The following AP3B2 variants were observed in gnomAD, a reference collection of about 807,000 sequenced individuals.
AP3B2 encodes adaptor related protein complex 3 subunit beta 2.
Under a neutral mutation model 126.9 loss-of-function variants are expected in AP3B2, and 50 were observed. That is an observed-to-expected ratio of 0.39 (90% CI 0.31 to 0.50). The LOEUF (loss-of-function observed/expected upper bound fraction) is 0.50. AP3B2 is among the 20% of genes least tolerant of loss of function. AP3B2 has a pLI of 0.79. For missense variants in AP3B2, 1,177 were observed against 1,426.4 expected (o/e 0.83, Z 2.82); for synonymous variants, 541 against 565.0 (o/e 0.96, Z 0.60).
chr15:82,685,207 T>G (rs2048406062), intron 4 of AP3B2: 1 of 152,318 alleles, frequency 6.6e-6, no homozygotes, highest in East Asian at 1.9e-4. Context: ...TTAAAAAGTT[T>G]GGAATATTGT....
At position 82,689,211 on chromosome 15, in the gene AP3B2, C is replaced by T. The variant is rs2048481877; in HGVS notation, c.211G>A (p.Ala71Thr). ...IVAMIARGKN[A>T]SDLFPAVVKN... ...ACCACCGCGGGAAACAGGTCTGAAGCATTCTTTCCTCGGGCAATCATCTGG... is the reference window on the plus strand; with the variant it reads ...ACCACCGCGGGAAACAGGTCTGAAGTATTCTTTCCTCGGGCAATCATCTGG... Residue 71 changes from alanine to threonine, a missense_variant, in exon 3 of 27, where the codon GCT becomes ACT. Physicochemically the swap from Ala to Thr is moderately conservative, Grantham distance 58. Transcript: ENST00000535359. 3 of 1,613,950 alleles carry T rather than the reference C, an allele frequency of 1.9e-6. No homozygotes were observed. The East Asian group carries it at 6.7e-5, about 36-fold the overall frequency.
chr15:82,692,954 G>A (rs570175399), intron 1 of AP3B2: 1 of 151,242 alleles, frequency 6.6e-6, no homozygotes, highest in East Asian at 1.9e-4. Context: ...TTAAGTGACA[G>A]CAAAATTCAT....
intron 4 of AP3B2, 161 bp downstream of exon 4, chr15:82,688,574 AG>A: frequency 1.4e-6 from 1 of 727,518 alleles, no homozygotes; most frequent in Non-Finnish European, 2.5e-6. Context: ...CCACTCTCTG[AG>A]GGTCTGGCTG....
chr15:82,697,390 C>G (rs2048645888), intron 1 of AP3B2, among the ~76,000 whole-genome samples: 1 of 151,822 alleles, frequency 6.6e-6, no homozygotes, highest in Admixed American at 6.6e-5. Flanking sequence ...AGACATGCAA[C>G]ATTTAGAAAT....
chr15:82,689,528 A>C (rs2048488347), intron 1 of AP3B2, 75 bp from the exon 2 acceptor site: 1 of 1,440,240 alleles, frequency 6.9e-7, no homozygotes. Context: ...GTCCAGGCAC[A>C]AAGAAGGGAC....
chr15:82,676,409 T>C, intron 14 of AP3B2, 52 bp downstream of exon 14: 1 of 1,586,528 alleles, frequency 6.3e-7, no homozygotes, highest in Non-Finnish European at 8.6e-7. Context: ...GAATACTGTC[T>C]AGGGAGTTTC....
chr15:82,708,641 T>G (rs985626268), intron 1 of AP3B2: 1 of 152,318 alleles, frequency 6.6e-6, no homozygotes, highest in Non-Finnish European at 1.5e-5. Context: ...AATATAAATC[T>G]GATTATGTCG....
At chr15:82,688,189 G>A in intron 4 of AP3B2, 3 of 511,086 alleles carry the variant, frequency 5.9e-6, no homozygotes, top group Non-Finnish European at 1.0e-5. Context: ...TGGAGAGAAT[G>A]GCCTTGAAAT....
At chr15:82,677,630 C>A (rs1194888616) in intron 12 of AP3B2, 41 bp downstream of exon 12, 3 of 1,492,666 alleles carry the variant, frequency 2.0e-6, no homozygotes, top group South Asian at 1.4e-5. Flanking sequence ...CAGGCAGACA[C>A]CCTCTGATCA....
intron 1 of AP3B2, among the ~76,000 whole-genome samples, chr15:82,695,565 C>T (rs1416537862): frequency 6.6e-5 from 10 of 152,082 alleles, no homozygotes; most frequent in African/African-American, 2.2e-4. Flanking sequence ...TGTGAAGGTG[C>T]CTGGAGGGTG....
intron 1 of AP3B2, among the ~76,000 whole-genome samples, chr15:82,691,465 C>T (rs547979241): frequency 6.6e-6 from 1 of 152,200 alleles, no homozygotes; most frequent in African/African-American, 2.4e-5. Context: ...CCCACAAAGA[C>T]GGAACTGATT....
Position 82,680,811 on chromosome 15 carries a change from G to A in AP3B2, c.771+26C>T, listed in dbSNP as rs758609268. The A allele has an allele frequency of 6.2e-7, 1 of 1,611,932 alleles. No homozygotes were observed. ...GCCTCCCCGGGACACACTTCGGCCC[G>A]CTCTGCCTGGGCTGGGCCCACTTAC... On this transcript the variant is annotated intron_variant, in intron 7 of 26. Coordinates refer to ENST00000535359, the MANE Select transcript of AP3B2 (RefSeq NM_001278512.2). This position sits in a 1 kb window ranked among gnomAD's most constrained non-coding sequence, Gnocchi z 6.1.
chr15:82,676,669 A>G (rs750856421), intron 13 of AP3B2, 32 bp from the exon 14 acceptor site: 2 of 1,608,368 alleles, frequency 1.2e-6, no homozygotes, highest in South Asian at 1.1e-5. Context: ...GAAGATGGGT[A>G]AATACGGGAA....
At chr15:82,701,463 G>A (rs1267978478) in intron 1 of AP3B2, among the ~76,000 whole-genome samples, 2 of 152,068 alleles carry the variant, frequency 1.3e-5, no homozygotes, top group East Asian at 3.8e-4. Flanking sequence ...TCCTTGAACT[G>A]AGTGAGGTTC....
Position 82,659,504 on chromosome 15 carries a change from C to G in AP3B2, c.*56G>C. ...AGAGAAAGATGAGAGAGACTGACAG[C>G]CTAGGTGTCATGGGGAGGTATAGAT... On this transcript the variant is annotated 3_prime_UTR_variant, in exon 27 of 27. Transcript: ENST00000535359. 25 of 1,594,038 alleles carry G rather than the reference C, an allele frequency of 1.6e-5. No homozygotes were observed. The highest frequency in any genetic ancestry group is 2.1e-5 in the Non-Finnish European group (25 of 1,166,446).
At chr15:82,663,074 A>T in intron 22 of AP3B2, 53 bp downstream of exon 22, 1 of 1,526,186 alleles carries the variant, frequency 6.6e-7, no homozygotes, top group Non-Finnish European at 8.9e-7. Flanking sequence ...CATAGGATGC[A>T]GCACAGGGAT....
At position 82,681,361 on chromosome 15, in the gene AP3B2, G is replaced by A. The variant is rs1344919703; in HGVS notation, c.521+59C>T. ...AGGCAAGACTTAGGAAAGGCCAGGG[G>A]TGGGTTGAGAACTTAGGAACCAGCC... On this transcript the variant is annotated intron_variant, in intron 5 of 26. Transcript: ENST00000535359. This position sits in a 1 kb window ranked among gnomAD's most constrained non-coding sequence, Gnocchi z 4.0. 3 of 1,598,088 alleles carry A rather than the reference G, an allele frequency of 1.9e-6. No homozygotes were observed. The highest frequency in any genetic ancestry group is 1.3e-5 in the African/African-American group (1 of 74,844).
At position 82,662,208 on chromosome 15, in the gene AP3B2, T is replaced by G; in HGVS notation, c.2878A>C (p.Asn960His). Reference protein sequence around the residue: ...GESATAVMGINFCDSTQAANF... With the variant: ...GESATAVMGIHFCDSTQAANF... ...GCTGCCTGGGTTGAGTCACAGAAAT[T>G]AATGCCCATTACAGCAGTGGCAGAT... The change falls in exon 24 of 27, where the codon AAT becomes CAT. Residue 960 changes from asparagine to histidine, a missense_variant. Physicochemically the swap from Asn to His is moderately conservative, Grantham distance 68. Around this residue, in one of 5 missense-constraint regions of AP3B2, gnomAD observed 587 missense variants for 571.3 expected, o/e 1.03. Transcript: ENST00000535359. 1 of 1,604,020 alleles carries G rather than the reference T, an allele frequency of 6.2e-7. No individual in the cohort carries two copies. The highest frequency in any genetic ancestry group is 1.1e-5 in the South Asian group (1 of 88,644).
intron 14 of AP3B2, among the ~76,000 whole-genome samples, chr15:82,668,120 C>T (rs72630438): frequency 0.069 from 10,555 of 152,242 alleles, 406 homozygotes; most frequent in Middle Eastern, 0.12. Flanking sequence ...GGGCAAAGCC[C>T]CTCAGATGCT....
Sources: gnomAD v4.1 joint callset for allele counts (sites outside exome capture counted in the v4.1 genomes callset) on GRCh38, gnomAD v4.1.1 for gene constraint, gnomAD v4.1.1 regional missense constraint, Gnocchi (gnomAD v3.1) non-coding constraint, MANE v1.5 for transcripts, NCBI Gene and HGNC (gene_info 2026-07-23, HGNC 2026-07-21) for gene names.